SYK: variants seen among roughly 807,000 people sequenced by gnomAD.
SYK encodes tyrosine-protein kinase SYK.
In SYK, 16 loss-of-function variants were observed where a neutral mutation model predicts 77.8. The observed-to-expected ratio is 0.21, with a 90% confidence interval of 0.14 to 0.31. SYK has a LOEUF of 0.31. Ranked by LOEUF, SYK falls within the 10% of genes least tolerant of loss-of-function variation. The pLI, the probability that SYK is intolerant of heterozygous loss-of-function variation, is 1.00. For synonymous variants in SYK, 312 were observed against 308.7 expected (o/e 1.01, Z -0.11); for missense variants, 529 against 814.4 (o/e 0.65, Z 4.26).
intron 9 of SYK, among the ~76,000 whole-genome samples, chr9:90,875,663 G>A (rs1377378017): frequency 1.3e-5 from 2 of 151,794 alleles, no homozygotes; most frequent in African/African-American, 4.8e-5. Flanking sequence ...AATATGATTA[G>A]TATAATTATT....
At chr9:90,828,593 G>A (rs1379115938) in intron 1 of SYK, among the ~76,000 whole-genome samples, 2 of 152,274 alleles carry the variant, frequency 1.3e-5, no homozygotes, top group South Asian at 2.1e-4. Flanking sequence ...GCTCAAAAGA[G>A]CATGCAAGGG....
intron 1 of SYK, among the ~76,000 whole-genome samples, chr9:90,836,479 A>G (rs1826091595): frequency 6.6e-6 from 1 of 152,220 alleles, no homozygotes; most frequent in African/African-American, 2.4e-5. Context: ...ATAAAGATGC[A>G]GTATTAAATC....
chr9:90,826,789 C>T (rs1034262662), intron 1 of SYK, among the ~76,000 whole-genome samples: 10 of 152,150 alleles, frequency 6.6e-5, no homozygotes, highest in Admixed American at 2.6e-4. Context: ...TTAGTAGATG[C>T]TTGAAAAGTA....
At chr9:90,819,630 A>T (rs7846786) in intron 1 of SYK, among the ~76,000 whole-genome samples, 1 of 152,172 alleles carries the variant, frequency 6.6e-6, no homozygotes, top group African/African-American at 2.4e-5. Context: ...CCATGATTCA[A>T]TTACCCCCCT....
intron 1 of SYK, among the ~76,000 whole-genome samples, chr9:90,819,616 G>A (rs1305431454): frequency 2.0e-5 from 3 of 151,956 alleles, no homozygotes; most frequent in Non-Finnish European, 4.4e-5. Flanking sequence ...GAAAAGACTG[G>A]CCCCCATGAT....
At chr9:90,822,286 T>A (rs1825545195) in intron 1 of SYK, among the ~76,000 whole-genome samples, 1 of 152,228 alleles carries the variant, frequency 6.6e-6, no homozygotes, top group Non-Finnish European at 1.5e-5. Flanking sequence ...CATTTTATAT[T>A]AGTTAATTAA....
chr9:90,802,260 A>G (rs1165190898), intron 1 of SYK, among the ~76,000 whole-genome samples: 5 of 152,218 alleles, frequency 3.3e-5, no homozygotes, highest in African/African-American at 1.2e-4. Flanking sequence ...AGCGCGAGGA[A>G]GTCGATCTTG....
At chr9:90,881,328 G>A (rs570827966) in intron 11 of SYK, among the ~76,000 whole-genome samples, 22 of 152,156 alleles carry the variant, frequency 1.4e-4, no homozygotes, top group Non-Finnish European at 2.4e-4. Flanking sequence ...CAAAACTACC[G>A]AAAAGATAGG....
intron 12 of SYK, 38 bp from the exon 13 acceptor site, chr9:90,888,476 TA>T (rs199586721): frequency 0.15 from 143,128 of 933,600 alleles, 607 homozygotes; most frequent in East Asian, 0.33. Context: ...CTAACACCTT[TA>T]AAAAAAAAAA....
intron 3 of SYK, among the ~76,000 whole-genome samples, chr9:90,858,741 C>T (rs887751191): frequency 6.6e-6 from 1 of 152,268 alleles, no homozygotes; most frequent in Non-Finnish European, 1.5e-5. Context: ...TGGTTAATGT[C>T]GCGAGCCTTC....
chr9:90,816,008 C>T (rs1479453243), intron 1 of SYK, among the ~76,000 whole-genome samples: 2 of 152,230 alleles, frequency 1.3e-5, no homozygotes, highest in African/African-American at 4.8e-5. Context: ...TGATCCTAAC[C>T]TGCAGCTGAA....
chr9:90,893,761 G>A (rs780398908), intron 13 of SYK, among the ~76,000 whole-genome samples: 3 of 152,228 alleles, frequency 2.0e-5, no homozygotes, highest in Admixed American at 6.5e-5. Flanking sequence ...CAGATAGGCC[G>A]CCTTTAGGGA....
chr9:90,854,996 A>T (rs1010696042), intron 3 of SYK, among the ~76,000 whole-genome samples: 7 of 111,656 alleles, frequency 6.3e-5, no homozygotes, highest in Admixed American at 9.9e-5. Context: ...TCTCTCTCTC[A>T]CACACACACA....
chr9:90,860,279 C>T (rs566701616), intron 3 of SYK, among the ~76,000 whole-genome samples: 2 of 152,210 alleles, frequency 1.3e-5, no homozygotes, highest in Admixed American at 6.5e-5. Flanking sequence ...CATATGCATC[C>T]ACTCTTACTG....
At chr9:90,857,400 G>A (rs191642515) in intron 3 of SYK, among the ~76,000 whole-genome samples, 21 of 152,340 alleles carry the variant, frequency 1.4e-4, no homozygotes, top group African/African-American at 4.6e-4. Context: ...CCTTGAAGCT[G>A]AAAGACAAGA....
intron 1 of SYK, among the ~76,000 whole-genome samples, chr9:90,836,702 A>C (rs1366389585): frequency 6.6e-6 from 1 of 152,208 alleles, no homozygotes; most frequent in African/African-American, 2.4e-5. Context: ...TGCAGTTCTC[A>C]AGTATTTTTC....
chr9:90,834,986 C>T (rs1241565463), intron 1 of SYK, among the ~76,000 whole-genome samples: 1 of 152,184 alleles, frequency 6.6e-6, no homozygotes, highest in African/African-American at 2.4e-5. Context: ...CGATGTTTGG[C>T]TGTCATGATT....
Position 90,895,976 on chromosome 9 carries a change from C to T in SYK, c.*376C>T. ...AGGGACATTGCAGAGTGGCCTAGAG[C>T]ACTCTCACCCCAAGCGGCCTTTTCC... On this transcript the variant is annotated 3_prime_UTR_variant, in exon 14 of 14. Transcript: ENST00000375754. The surrounding 1 kb of genome is among the most constrained non-coding windows in gnomAD (Gnocchi z 4.4). The T allele has an allele frequency of 3.9e-6, 1 of 258,550 alleles. No individual in the cohort carries two copies. 16.0% of individuals were successfully genotyped at this position (258,550 alleles called of 1,614,324 possible).
At chr9:90,851,903 T>C (rs1826838504) in intron 3 of SYK, among the ~76,000 whole-genome samples, 1 of 152,182 alleles carries the variant, frequency 6.6e-6, no homozygotes, top group South Asian at 2.1e-4. Context: ...AGAATGTATT[T>C]TTTGGACTAA....
Sources: allele counts gnomAD v4.1 joint callset (sites outside exome capture counted in the v4.1 genomes callset), GRCh38; gene constraint gnomAD v4.1.1; non-coding constraint Gnocchi (gnomAD v3.1); transcripts MANE v1.5; gene names NCBI Gene and HGNC (gene_info 2026-07-23, HGNC 2026-07-21).